CAP2: variants seen among roughly 807,000 people sequenced by gnomAD.
The protein encoded by CAP2 is cyclase associated actin cytoskeleton regulatory protein 2.
In CAP2, 24 loss-of-function variants were observed where a neutral mutation model predicts 57.7. That is an observed-to-expected ratio of 0.42 (90% CI 0.30 to 0.58). The LOEUF (loss-of-function observed/expected upper bound fraction) is 0.58. Ranked by LOEUF, CAP2 falls within the 20% of genes least tolerant of loss-of-function variation. The probability of loss-of-function intolerance (pLI) is 0.22; values close to 1 mark genes in which losing one functional copy is unlikely to be tolerated. For missense variants in CAP2, 501 were observed against 590.3 expected (o/e 0.85, Z 1.57); for synonymous variants, 194 against 207.2 (o/e 0.94, Z 0.55).
At chr6:17,427,368 C>T (rs1308700027) in intron 3 of CAP2, among the ~76,000 whole-genome samples, 2 of 152,086 alleles carry the variant, frequency 1.3e-5, no homozygotes, top group South Asian at 2.1e-4. Context: ...GGACTCAGGG[C>T]GATTTGATTT....
At chr6:17,500,452 T>G (rs1203369106) in intron 4 of CAP2, among the ~76,000 whole-genome samples, 2 of 145,056 alleles carry the variant, frequency 1.4e-5, no homozygotes, top group African/African-American at 5.1e-5. Flanking sequence ...TACTGCAAGC[T>G]CCGCCTCCCG....
intron 3 of CAP2, among the ~76,000 whole-genome samples, chr6:17,436,338 G>C (rs1425324783): frequency 1.3e-5 from 2 of 151,998 alleles, no homozygotes; most frequent in African/African-American, 4.8e-5. Flanking sequence ...TTACCATGTT[G>C]GCCAGGCTGG....
At chr6:17,548,118 A>G (rs988380567) in intron 11 of CAP2, among the ~76,000 whole-genome samples, 12 of 152,150 alleles carry the variant, frequency 7.9e-5, no homozygotes, top group Non-Finnish European at 7.3e-5. Context: ...CTGTAATCCC[A>G]GCACTTAGGG....
intron 4 of CAP2, among the ~76,000 whole-genome samples, chr6:17,488,291 G>A (rs1195521540): frequency 6.6e-6 from 1 of 152,066 alleles, no homozygotes; most frequent in African/African-American, 2.4e-5. Context: ...ATCTTTTTCT[G>A]CTGTTCTCTC....
intron 4 of CAP2, among the ~76,000 whole-genome samples, chr6:17,474,845 C>A (rs1581550288): frequency 6.6e-6 from 1 of 151,924 alleles, no homozygotes; most frequent in African/African-American, 2.4e-5. Flanking sequence ...TTATTAGATG[C>A]CAAGTTTGAT....
chr6:17,437,249 G>T (rs1188984133), intron 3 of CAP2, among the ~76,000 whole-genome samples: 3 of 152,054 alleles, frequency 2.0e-5, no homozygotes, highest in African/African-American at 7.3e-5. Flanking sequence ...GTGCCAAAAA[G>T]GTTGGGGACC....
intron 7 of CAP2, among the ~76,000 whole-genome samples, chr6:17,518,493 C>G (rs919486045): frequency 6.6e-6 from 1 of 152,218 alleles, no homozygotes; most frequent in Middle Eastern, 3.4e-3. Flanking sequence ...AAAAATAAAG[C>G]AAGACCATTT....
Position 17,507,311 on chromosome 6 carries a change from T to C in CAP2, c.443T>C (p.Val148Ala), listed in dbSNP as rs762359662. 10 of 1,614,008 alleles carry C rather than the reference T, an allele frequency of 6.2e-6. No individual in the cohort carries two copies. In the African/African-American group the frequency reaches 1.3e-4, roughly 22 times the overall value. ...ATCCCTGCCCTTGGATGGATAGCTGTGGTGAGTCCAGGTGCAATGTTGCCT... is the reference window on the plus strand; with the variant it reads ...ATCCCTGCCCTTGGATGGATAGCTGCGGTGAGTCCAGGTGCAATGTTGCCT... ...ESIPALGWIAVSPKPGPYVKE... is the reference protein window; with the variant it reads ...ESIPALGWIAASPKPGPYVKE... Residue 148 changes from valine to alanine, a missense_variant and splice_region_variant, in exon 5 of 13, where the codon GTG becomes GCG. Transcript: ENST00000229922.
chr6:17,426,735 C>T (rs748918414), intron 3 of CAP2, 45 bp downstream of exon 3: 2 of 1,288,090 alleles, frequency 1.6e-6, no homozygotes, highest in African/African-American at 1.5e-5. Flanking sequence ...TTTAAACTTA[C>T]CAGCCCAGCC....
intron 4 of CAP2, among the ~76,000 whole-genome samples, chr6:17,466,439 G>A (rs1316364416): frequency 2.0e-5 from 3 of 152,330 alleles, no homozygotes; most frequent in Non-Finnish European, 4.4e-5. Context: ...TCCTCGTCCA[G>A]AGACCACACT....
intron 4 of CAP2, among the ~76,000 whole-genome samples, chr6:17,484,326 C>G (rs146808682): frequency 6.6e-6 from 1 of 152,132 alleles, no homozygotes; most frequent in South Asian, 2.1e-4. Flanking sequence ...CCCCTTCTCA[C>G]GCAAGGCCTT....
At chr6:17,426,482 G>A in intron 2 of CAP2, 108 bp from the exon 3 acceptor site, 1 of 754,592 alleles carries the variant, frequency 1.3e-6, no homozygotes, top group Non-Finnish European at 2.4e-6. Flanking sequence ...TGATCTGCCT[G>A]CCTCGGACTC....
chr6:17,464,465 A>C (rs1760811781), intron 4 of CAP2, among the ~76,000 whole-genome samples: 1 of 152,152 alleles, frequency 6.6e-6, no homozygotes, highest in Non-Finnish European at 1.5e-5. Context: ...CAGAGACCTG[A>C]GACCCTCCCT....
intron 4 of CAP2, among the ~76,000 whole-genome samples, chr6:17,490,284 A>C (rs6935391): frequency 0.012 from 1,891 of 152,272 alleles, 42 homozygotes; most frequent in African/African-American, 0.043. Flanking sequence ...ATTTGCTAAA[A>C]CACTCATCTG....
chr6:17,399,094 C>G (rs540236566), intron 1 of CAP2, among the ~76,000 whole-genome samples: 16 of 151,706 alleles, frequency 1.1e-4, no homozygotes, highest in African/African-American at 3.9e-4. Flanking sequence ...GAGACAGTCT[C>G]GCTTTGTCAC....
rs184860619 is a variant in CAP2, at chr6:17,517,563, T to C, written c.636+3609T>C. ...AAAATTCTGGCTGAGACCCAATAAA[T>C]TGATTTCATGACCCCACTAGTGAGT... is the stretch of plus-strand genomic sequence containing the variant. On this transcript the variant is annotated intron_variant, in intron 7 of 12. Coordinates refer to ENST00000229922, the MANE Select transcript of CAP2 (RefSeq NM_006366.3). 8.9e-4 allele frequency among the ~76,000 whole-genome samples: 135 copies of C among 152,326 alleles called. 1 individual carries two copies. Among genetic ancestry groups the C allele is most frequent in the African/African-American group, 2.8e-3 (115 of 41,572 alleles).
At chr6:17,417,274 AT>A (rs34818674) in intron 1 of CAP2, among the ~76,000 whole-genome samples, 4,654 of 137,078 alleles carry the variant, frequency 0.034, 95 homozygotes, top group African/African-American at 0.058. Context: ...TTTAAAACTG[AT>A]TTTTTTTTTT....
At chr6:17,509,732 T>G (rs934946741) in intron 6 of CAP2, among the ~76,000 whole-genome samples, 21 of 152,006 alleles carry the variant, frequency 1.4e-4, no homozygotes, top group African/African-American at 4.8e-4. Context: ...CCAAAAGAAC[T>G]GAAAACATAT....
At chr6:17,474,342 C>T (rs1761096944) in intron 4 of CAP2, among the ~76,000 whole-genome samples, 1 of 151,630 alleles carries the variant, frequency 6.6e-6, no homozygotes, top group Non-Finnish European at 1.5e-5. Context: ...ATGGGCATGT[C>T]AGGTTTTGGT....
Sources: gnomAD v4.1 joint callset for allele counts (sites outside exome capture counted in the v4.1 genomes callset) on GRCh38, gnomAD v4.1.1 for gene constraint, MANE v1.5 for transcripts, NCBI Gene and HGNC (gene_info 2026-07-23, HGNC 2026-07-21) for gene names.